KLHL13: variants seen among roughly 807,000 people sequenced by gnomAD.
KLHL13 encodes the protein kelch like family member 13.
Under a neutral mutation model 37.1 loss-of-function variants are expected in KLHL13, and 10 were observed. The ratio of observed to expected loss-of-function variants is 0.27; its 90% CI spans 0.17 to 0.46. The LOEUF (loss-of-function observed/expected upper bound fraction) is 0.46, where lower values mean the gene tolerates loss of function less well. Among genes scored for constraint, KLHL13 ranks in the 20% least tolerant of loss-of-function variants. The probability of loss-of-function intolerance (pLI) is 1.00; values close to 1 mark genes in which losing one functional copy is unlikely to be tolerated. For synonymous variants in KLHL13, 163 were observed against 181.2 expected (o/e 0.90, Z 0.81); for missense variants, 360 against 509.3 (o/e 0.71, Z 2.82).
chrX:117,921,733 A>G (rs1931714822), intron 2 of KLHL13, among the ~76,000 whole-genome samples: 1 of 112,346 alleles, frequency 8.9e-6, no homozygotes, highest in African/African-American at 3.2e-5. Context: ...TCCTACACAT[A>G]TGTGTAGTAT....
rs757690459 is a variant in KLHL13, at chrX:117,919,512, A to G, written c.570+9T>C. The stretch of plus-strand genomic sequence containing the variant: ...ACCACAGGAAAAATCAGATTTCAAA[A>G]TATCTTACCCCAGATATGAGAAACA... On this transcript the variant is annotated intron_variant, in intron 4 of 6. Coordinates refer to ENST00000262820, the Ensembl canonical transcript of KLHL13. 7.2e-5 allele frequency: 85 copies of G among 1,187,206 alleles called. No homozygotes were observed. The highest frequency in any genetic ancestry group is 9.3e-5 in the Non-Finnish European group (82 of 877,344).
upstream of KLHL13, chrX:117,973,813 T>G: frequency 5.1e-6 from 3 of 588,916 alleles, no homozygotes; most frequent in Non-Finnish European, 6.0e-6. Flanking sequence ...TCCCCTCTTG[T>G]TCACCACCCC....
chrX:118,023,671 C>T (rs763686118), intron 1 of KLHL13, among the ~76,000 whole-genome samples: 1 of 111,438 alleles, frequency 9.0e-6, no homozygotes, highest in East Asian at 2.8e-4. Flanking sequence ...CAGGTTCAGG[C>T]GATTCTCATG....
chrX:117,995,851 A>G (rs748327768), intron 1 of KLHL13, among the ~76,000 whole-genome samples: 1 of 112,111 alleles, frequency 8.9e-6, no homozygotes, highest in African/African-American at 3.2e-5. Flanking sequence ...CTAATATACT[A>G]TATGGCTGAG....
At chrX:118,077,270 T>C (rs2054939055) in intron 1 of KLHL13, among the ~76,000 whole-genome samples, 1 of 111,269 alleles carries the variant, frequency 9.0e-6, no homozygotes. Context: ...TGTGATCAAT[T>C]CTATAAGAGA....
chrX:117,903,256 G>A lies in KLHL13; in HGVS notation c.1367-1310C>T, dbSNP rs775210012. Reference sequence around the variant, plus strand: ...TTCATTTCATCATCAAATTCACTACGCAAAGTATGCTTTTCTCCTCCAAGC... The same window carrying A: ...TTCATTTCATCATCAAATTCACTACACAAAGTATGCTTTTCTCCTCCAAGC... On this transcript the variant is annotated intron_variant, in intron 5 of 6. Transcript: ENST00000262820. Among the ~76,000 whole-genome samples the A allele has an allele frequency of 7.4e-5, 8 of 108,487 alleles. No individual in the cohort carries two copies. In the East Asian group the frequency reaches 2.0e-3, roughly 28 times the overall value. The allele number at this position is 108,487 out of a possible 115,157, so 94.2% of individuals were successfully genotyped here.
In KLHL13 at chrX:117,956,413, C is replaced by T. The variant is rs1040886752; in HGVS notation, c.99-10838G>A. ...TCTGGCTAAAAGAAGGCTATGTGTT[C>T]TTGGGTAGAACATACCATTGTGATA... On this transcript the variant is annotated intron_variant, in intron 1 of 6. Transcript: ENST00000262820. Among the ~76,000 whole-genome samples the T allele has an allele frequency of 7.2e-5, 8 of 111,111 alleles. No individual in the cohort carries two copies. The East Asian group carries it at 2.3e-3, about 31-fold the overall frequency.
chrX:118,056,171 A>G (rs2054683286), intron 1 of KLHL13, among the ~76,000 whole-genome samples: 2 of 112,238 alleles, frequency 1.8e-5, no homozygotes, highest in African/African-American at 6.5e-5. Flanking sequence ...ATTTCTATAC[A>G]TGTGCAATAA....
intron 2 of KLHL13, among the ~76,000 whole-genome samples, chrX:117,936,438 G>A (rs772274547): frequency 2.7e-5 from 3 of 112,018 alleles, no homozygotes; most frequent in Non-Finnish European, 1.9e-5. Context: ...GCCTGCTCAA[G>A]CCAACCAGAT....
chrX:118,092,211 T>C (rs1363252293), intron 1 of KLHL13, among the ~76,000 whole-genome samples: 1 of 111,540 alleles, frequency 9.0e-6, no homozygotes, highest in Admixed American at 9.5e-5. Context: ...ATATTGAAAT[T>C]AAAAAATACA....
intron 1 of KLHL13, among the ~76,000 whole-genome samples, chrX:117,963,470 A>C (rs1470751488): frequency 9.0e-6 from 1 of 111,680 alleles, no homozygotes; most frequent in Non-Finnish European, 1.9e-5. Context: ...TGAACTTTAA[A>C]CATAAATTGC....
intron 1 of KLHL13, among the ~76,000 whole-genome samples, chrX:117,981,536 T>C (rs2053662011): frequency 8.9e-6 from 1 of 111,945 alleles, no homozygotes; most frequent in Non-Finnish European, 1.9e-5. Context: ...TTACTTCTCA[T>C]AGAATTCTGA....
intron 1 of KLHL13, among the ~76,000 whole-genome samples, chrX:118,097,158 A>T (rs1010127014): frequency 2.7e-5 from 3 of 111,666 alleles, no homozygotes; most frequent in Non-Finnish European, 5.6e-5. Flanking sequence ...TGCAGATGAC[A>T]TGATTATATA....
At chrX:118,080,217 A>G (rs1419678508) in intron 1 of KLHL13, among the ~76,000 whole-genome samples, 1 of 112,051 alleles carries the variant, frequency 8.9e-6, no homozygotes, top group African/African-American at 3.2e-5. Flanking sequence ...GCCTGGACAA[A>G]GAATTTTTGG....
intron 1 of KLHL13, among the ~76,000 whole-genome samples, chrX:117,967,673 C>A (rs1274641262): frequency 5.4e-5 from 6 of 112,134 alleles, no homozygotes; most frequent in African/African-American, 1.9e-4. Flanking sequence ...GACAGGAACA[C>A]TAGCTCTTTG....
intron 1 of KLHL13, among the ~76,000 whole-genome samples, chrX:118,014,963 T>C (rs772173259): frequency 4.4e-5 from 5 of 112,425 alleles, no homozygotes; most frequent in African/African-American, 1.3e-4. Context: ...TATAGTATAA[T>C]AAAACAGTAA....
At chrX:117,907,458 A>T (rs1360156174) in intron 5 of KLHL13, among the ~76,000 whole-genome samples, 1 of 112,164 alleles carries the variant, frequency 8.9e-6, no homozygotes, top group Non-Finnish European at 1.9e-5. Flanking sequence ...AGAAAAGAAG[A>T]CTGACCAAGT....
intron 1 of KLHL13, among the ~76,000 whole-genome samples, chrX:118,036,435 G>A (rs182073862): frequency 7.2e-5 from 8 of 111,142 alleles, no homozygotes; most frequent in African/African-American, 1.6e-4. Context: ...CAGAAACAAC[G>A]CCGCATATCT....
At chrX:118,051,648 TAC>T (rs762666475) in intron 1 of KLHL13, among the ~76,000 whole-genome samples, 7 of 109,119 alleles carry the variant, frequency 6.4e-5, no homozygotes, top group Admixed American at 2.0e-4. Flanking sequence ...CACGCGCACA[TAC>T]ACACACACAC....
Sources: allele counts gnomAD v4.1 joint callset (sites outside exome capture counted in the v4.1 genomes callset), GRCh38; gene constraint gnomAD v4.1.1; transcripts MANE v1.5; gene names NCBI Gene and HGNC (gene_info 2026-07-23, HGNC 2026-07-21).